Variants in NAALADL2 observed in about 807,000 individuals in gnomAD.
NAALADL2 encodes inactive N-acetylated-alpha-linked acidic dipeptidase-like protein 2.
In NAALADL2, 76 loss-of-function variants were observed where a neutral mutation model predicts 87.2. That is an observed-to-expected ratio of 0.87 (90% CI 0.72 to 1.05). The LOEUF is 1.05. Ranked by LOEUF, NAALADL2 falls within the 50% of genes least tolerant of loss-of-function variation. NAALADL2 has a pLI of 0.00. For synonymous variants in NAALADL2, 354 were observed against 331.0 expected, an observed-to-expected ratio of 1.07 and a Z score of -0.75; for missense variants, 1,089 against 945.8, an observed-to-expected ratio of 1.15 and a Z score of -1.99.
intron 2 of NAALADL2, among the ~76,000 whole-genome samples, chr3:174,648,580 T>C (rs1398049472): frequency 1.3e-5 from 2 of 152,264 alleles, no homozygotes; most frequent in African/African-American, 2.4e-5. Context: ...TTATTTATGG[T>C]TTCCAGTATA....
chr3:174,688,886 G>T (rs1248135297), intron 2 of NAALADL2, among the ~76,000 whole-genome samples: 2 of 151,796 alleles, frequency 1.3e-5, no homozygotes, highest in Admixed American at 6.6e-5. Flanking sequence ...GTATTTTGTG[G>T]GGCCAAAAAA....
At chr3:175,538,259 G>C (rs1711618808) in intron 9 of NAALADL2, among the ~76,000 whole-genome samples, 1 of 151,818 alleles carries the variant, frequency 6.6e-6, no homozygotes, top group Non-Finnish European at 1.5e-5. Context: ...TAGAATATTT[G>C]ACTTTAATGT....
chr3:174,640,090 G>C (rs890322682), intron 2 of NAALADL2, among the ~76,000 whole-genome samples: 20 of 152,240 alleles, frequency 1.3e-4, no homozygotes, highest in African/African-American at 4.1e-4. Context: ...ACGTTAGGGG[G>C]AGGGAAGCTT....
intron 11 of NAALADL2, among the ~76,000 whole-genome samples, chr3:175,664,056 G>T (rs932388342): frequency 1.3e-5 from 2 of 151,832 alleles, no homozygotes; most frequent in African/African-American, 4.8e-5. Context: ...ATAACAATGG[G>T]GATAGAAAGA....
chr3:174,594,502 C>T (rs186240460), intron 2 of NAALADL2, among the ~76,000 whole-genome samples: 1 of 152,174 alleles, frequency 6.6e-6, no homozygotes, highest in Non-Finnish European at 1.5e-5. Flanking sequence ...CTTCCTCATA[C>T]TTTACATATG....
intron 5 of NAALADL2, among the ~76,000 whole-genome samples, chr3:175,416,365 A>G (rs1475264702): frequency 6.6e-6 from 1 of 152,182 alleles, no homozygotes; most frequent in Admixed American, 6.6e-5. Context: ...TTAATTGGAT[A>G]TAGCAAAATT....
chr3:174,619,670 G>C (rs913707980), intron 2 of NAALADL2, among the ~76,000 whole-genome samples: 1 of 151,900 alleles, frequency 6.6e-6, no homozygotes, highest in Non-Finnish European at 1.5e-5. Flanking sequence ...CAAATAACCT[G>C]TTGTTTGAAT....
intron 1 of NAALADL2, among the ~76,000 whole-genome samples, chr3:174,944,781 C>A (rs1739155101): frequency 6.6e-6 from 1 of 152,092 alleles, no homozygotes; most frequent in Non-Finnish European, 1.5e-5. Context: ...CTGGGGGTTG[C>A]AAATATCCAT....
chr3:174,474,287 A>G (rs1358541944), intron 1 of NAALADL2, among the ~76,000 whole-genome samples: 1 of 152,186 alleles, frequency 6.6e-6, no homozygotes, highest in Non-Finnish European at 1.5e-5. Context: ...TTGATGAACA[A>G]AGTTGAAATT....
At chr3:175,701,393 G>T (rs868105709) in intron 11 of NAALADL2, among the ~76,000 whole-genome samples, 13 of 152,198 alleles carry the variant, frequency 8.5e-5, no homozygotes, top group African/African-American at 2.9e-4. Context: ...TTGTAAATTA[G>T]ATTTCTACTT....
intron 1 of NAALADL2, among the ~76,000 whole-genome samples, chr3:175,060,407 G>A (rs1317990756): frequency 6.6e-6 from 1 of 152,178 alleles, no homozygotes; most frequent in Non-Finnish European, 1.5e-5. Flanking sequence ...TATAAGAAAG[G>A]TTACAGAGTG....
At chr3:174,942,000 A>G (rs1413637930) in intron 1 of NAALADL2, among the ~76,000 whole-genome samples, 1 of 151,960 alleles carries the variant, frequency 6.6e-6, no homozygotes, top group African/African-American at 2.4e-5. Flanking sequence ...GCTCATTTAC[A>G]TTCAGGATTA....
At chr3:175,781,273 T>C (rs1016777337) in intron 13 of NAALADL2, among the ~76,000 whole-genome samples, 5 of 152,190 alleles carry the variant, frequency 3.3e-5, no homozygotes, top group East Asian at 1.9e-4. Context: ...AGCAAATCTA[T>C]GTTATAAAAT....
rs542932286 is a variant in NAALADL2 at position 175,102,388 on chromosome 3, T to A, written c.545+5097T>A. ...TTTGTTTTTGATAGGCCAAAAAGAA[T>A]GTTGATAAAGGTTTTCCCTATGAAT... On this transcript the variant is annotated intron_variant, in intron 2 of 13. Transcript: ENST00000454872. 2.0e-5 allele frequency among the ~76,000 whole-genome samples: 3 copies of A among 152,310 alleles called. No homozygotes were observed. The South Asian group carries it at 6.2e-4, about 32-fold the overall frequency.
chr3:174,727,820 A>C (rs2108972249), intron 2 of NAALADL2, among the ~76,000 whole-genome samples: 1 of 152,264 alleles, frequency 6.6e-6, no homozygotes, highest in Non-Finnish European at 1.5e-5. Context: ...ATCGACCATT[A>C]GAGTATCATA....
intron 2 of NAALADL2, among the ~76,000 whole-genome samples, chr3:175,230,066 G>A (rs1371554430): frequency 6.6e-6 from 1 of 151,960 alleles, no homozygotes; most frequent in Non-Finnish European, 1.5e-5. Context: ...AGTTGTCATT[G>A]CACATTAATG....
intron 1 of NAALADL2, among the ~76,000 whole-genome samples, chr3:174,899,946 T>C (rs1271946299): frequency 6.6e-6 from 1 of 152,014 alleles, no homozygotes; most frequent in African/African-American, 2.4e-5. Context: ...GTTAGCAAGA[T>C]AAGTGTAGGT....
At position 174,897,941 on chromosome 3, in the gene NAALADL2, G is replaced by A. The variant is rs1191675837; in HGVS notation, c.43+38491G>A. ...ATCCCGGCTAAAACGGTGAAACCCC[G>A]TCTCTACTAAAAATACAAAAAATTA... On this transcript the variant is annotated intron_variant, in intron 1 of 13. Transcript: ENST00000454872. Among the ~76,000 whole-genome samples the A allele has an allele frequency of 1.4e-5, 2 of 140,252 alleles. 1 individual carries two copies. Among genetic ancestry groups the A allele is most frequent in the African/African-American group, 6.2e-5 (2 of 32,462 alleles). The allele number at this position is 140,252 out of a possible 152,430, so 92.0% of individuals were successfully genotyped here.
intron 2 of NAALADL2, among the ~76,000 whole-genome samples, chr3:174,700,582 A>G (rs1412591753): frequency 6.6e-6 from 1 of 152,212 alleles, no homozygotes; most frequent in Non-Finnish European, 1.5e-5. Flanking sequence ...AGAAAAACAA[A>G]AAAAATGTAT....
Sources: allele counts gnomAD v4.1 joint callset (sites outside exome capture counted in the v4.1 genomes callset), GRCh38; gene constraint gnomAD v4.1.1; transcripts MANE v1.5; gene names NCBI Gene and HGNC (gene_info 2026-07-23, HGNC 2026-07-21).